Variants in MSRA observed in about 807,000 individuals in gnomAD.
MSRA encodes the protein mitochondrial peptide methionine sulfoxide reductase.
A neutral mutation model predicts 31.3 loss-of-function variants in MSRA; 54 were observed. The observed-to-expected ratio is 1.73, with a 90% CI of 1.39 to 2.17. The LOEUF is 2.17. Among genes scored for constraint, MSRA ranks in the 30% most tolerant of loss-of-function variants. The pLI is 0.00. For synonymous variants in MSRA, 169 were observed against 116.5 expected (o/e 1.45, Z -2.90); for missense variants, 507 against 300.9 (o/e 1.69, Z -5.07).
chr8:10,063,435 C>G (rs1396041976), intron 1 of MSRA, among the ~76,000 whole-genome samples: 1 of 152,192 alleles, frequency 6.6e-6, no homozygotes, highest in Non-Finnish European at 1.5e-5. Context: ...TTGCTGCTGG[C>G]CTCAGTGTTT....
At chr8:10,237,734 C>G (rs963817935) in intron 2 of MSRA, among the ~76,000 whole-genome samples, 1 of 152,218 alleles carries the variant, frequency 6.6e-6, no homozygotes, top group African/African-American at 2.4e-5. Flanking sequence ...CCATAACCCT[C>G]TCTTTCTCTC....
chr8:10,255,033 T>C (rs1161875526), intron 3 of MSRA, among the ~76,000 whole-genome samples: 1 of 152,246 alleles, frequency 6.6e-6, no homozygotes, highest in African/African-American at 2.4e-5. Context: ...CAGAAGTCTA[T>C]TAAAACAGTG....
intron 2 of MSRA, among the ~76,000 whole-genome samples, chr8:10,238,613 A>G (rs1381049242): frequency 6.6e-6 from 1 of 152,218 alleles, no homozygotes; most frequent in Non-Finnish European, 1.5e-5. Context: ...AAACGGGACT[A>G]CTTACAACGA....
At chr8:10,336,995 A>C (rs1803089557) in intron 5 of MSRA, 1 of 152,208 alleles carries the variant, frequency 6.6e-6, no homozygotes, top group South Asian at 2.1e-4. Flanking sequence ...TCACCTGTGT[A>C]GCCCAGAAAA....
chr8:10,193,467 G>C (rs982612272), intron 1 of MSRA, among the ~76,000 whole-genome samples: 1 of 152,162 alleles, frequency 6.6e-6, no homozygotes, highest in African/African-American at 2.4e-5. Context: ...AGTGTCCATT[G>C]CTAGAATGTG....
chr8:10,193,962 C>G (rs1408879682), intron 1 of MSRA, among the ~76,000 whole-genome samples: 1 of 152,010 alleles, frequency 6.6e-6, no homozygotes, highest in Non-Finnish European at 1.5e-5. Flanking sequence ...ATATAACATT[C>G]CAACAGCTTT....
chr8:10,083,128 C>A (rs1305230621), intron 1 of MSRA, among the ~76,000 whole-genome samples: 2 of 152,166 alleles, frequency 1.3e-5, no homozygotes, highest in Non-Finnish European at 2.9e-5. Context: ...TCCAACTTAT[C>A]ACTCAGATAC....
chr8:10,148,468 G>A (rs1803356304), intron 1 of MSRA, among the ~76,000 whole-genome samples: 1 of 151,916 alleles, frequency 6.6e-6, no homozygotes, highest in African/African-American at 2.4e-5. Flanking sequence ...CCAACATGAT[G>A]AAACCCCATC....
intron 3 of MSRA, among the ~76,000 whole-genome samples, chr8:10,293,978 A>G (rs960657701): frequency 5.9e-5 from 9 of 152,090 alleles, no homozygotes; most frequent in African/African-American, 2.2e-4. Context: ...CCGAGGTGGG[A>G]GGATCACCTG....
At chr8:10,141,224 C>G (rs940498821) in intron 1 of MSRA, among the ~76,000 whole-genome samples, 1 of 152,200 alleles carries the variant, frequency 6.6e-6, no homozygotes, top group Non-Finnish European at 1.5e-5. Context: ...TGTGCCAGGC[C>G]TGGTTCTGTG....
intron 5 of MSRA, among the ~76,000 whole-genome samples, chr8:10,410,500 CATGTG>C (rs1808090785): frequency 6.6e-6 from 1 of 152,172 alleles, no homozygotes; most frequent in Non-Finnish European, 1.5e-5. Flanking sequence ...AAATAGAATC[CATGTG>C]ATGTATTATC....
chr8:10,211,034 C>T (rs182068161), intron 2 of MSRA, among the ~76,000 whole-genome samples: 3 of 152,246 alleles, frequency 2.0e-5, no homozygotes, highest in Admixed American at 1.3e-4. Flanking sequence ...TCGCACCCGG[C>T]CACAATGTCG....
intron 5 of MSRA, among the ~76,000 whole-genome samples, chr8:10,351,347 G>C (rs1462672578): frequency 7.1e-6 from 1 of 140,944 alleles, no homozygotes; most frequent in Admixed American, 7.9e-5. Flanking sequence ...TCTGCCTCTT[G>C]GGTTCAAGCG....
At chr8:10,127,897 GC>G (rs1326326346) in intron 1 of MSRA, among the ~76,000 whole-genome samples, 6 of 151,418 alleles carry the variant, frequency 4.0e-5, no homozygotes, top group Non-Finnish European at 7.4e-5. Context: ...ATTTTTTATT[GC>G]CTTCACGTGG....
chr8:10,092,530 C>A (rs537348156), intron 1 of MSRA, among the ~76,000 whole-genome samples: 1 of 151,996 alleles, frequency 6.6e-6, no homozygotes, highest in East Asian at 1.9e-4. Flanking sequence ...TGGTGGCGCA[C>A]GCCTTTAGTC....
intron 1 of MSRA, among the ~76,000 whole-genome samples, chr8:10,149,701 T>C (rs1313605662): frequency 6.6e-6 from 1 of 151,802 alleles, no homozygotes; most frequent in Non-Finnish European, 1.5e-5. Flanking sequence ...TGGAGTTCTC[T>C]TTAGAAAATA....
At chr8:10,071,884 C>A (rs559172603) in intron 1 of MSRA, among the ~76,000 whole-genome samples, 1 of 152,272 alleles carries the variant, frequency 6.6e-6, no homozygotes, top group South Asian at 2.1e-4. Context: ...AAACACAACA[C>A]AGTCAGGTAG....
intron 5 of MSRA, among the ~76,000 whole-genome samples, chr8:10,404,258 G>T (rs921482557): frequency 6.6e-6 from 1 of 152,084 alleles, no homozygotes; most frequent in Non-Finnish European, 1.5e-5. Flanking sequence ...ACCTTCCCCA[G>T]GGGCATCTGG....
At chr8:10,141,223 C>T (rs1802677907) in intron 1 of MSRA, among the ~76,000 whole-genome samples, 1 of 152,184 alleles carries the variant, frequency 6.6e-6, no homozygotes, top group Non-Finnish European at 1.5e-5. Context: ...CTGTGCCAGG[C>T]CTGGTTCTGT....
Sources: gnomAD v4.1 joint callset for allele counts (sites outside exome capture counted in the v4.1 genomes callset) on GRCh38, gnomAD v4.1.1 for gene constraint, MANE v1.5 for transcripts, NCBI Gene and HGNC (gene_info 2026-07-23, HGNC 2026-07-21) for gene names.